DPY30: variants seen among roughly 807,000 people sequenced by gnomAD.
DPY30 encodes the protein protein dpy-30 homolog.
Under a neutral mutation model 16.2 loss-of-function variants are expected in DPY30, and 6 were observed. The observed-to-expected ratio is 0.37, with a 90% CI of 0.20 to 0.73. The LOEUF (loss-of-function observed/expected upper bound fraction) is 0.73. Among genes scored for constraint, DPY30 ranks in the 30% least tolerant of loss-of-function variants. The pLI, the probability that DPY30 is intolerant of heterozygous loss-of-function variation, is 0.51. For missense variants in DPY30, 73 were observed against 113.1 expected, an observed-to-expected ratio of 0.65 and a Z score of 1.61; for synonymous variants, 39 against 38.8, an observed-to-expected ratio of 1.00 and a Z score of -0.02.
chr2:32,026,626 A>C (rs930685218), intron 4 of DPY30, among the ~76,000 whole-genome samples: 59 of 152,038 alleles, frequency 3.9e-4, no homozygotes, highest in African/African-American at 1.3e-3. Flanking sequence ...CCACATCTCT[A>C]CTAAAAATAC....
chr2:32,016,653 A>AG (rs1201111222), intron 5 of DPY30, among the ~76,000 whole-genome samples: 1 of 151,864 alleles, frequency 6.6e-6, no homozygotes. Context: ...TTTCAATTCA[A>AG]GGTTTCTATT....
At chr2:32,032,786 A>G (rs1179544338) in intron 3 of DPY30, among the ~76,000 whole-genome samples, 1 of 152,130 alleles carries the variant, frequency 6.6e-6, no homozygotes, top group African/African-American at 2.4e-5. Context: ...CCACGAGTTC[A>G]GGAGTTCGAG....
At chr2:32,023,696 A>C, downstream of DPY30, 1 of 1,297,582 alleles carries the variant, frequency 7.7e-7, no homozygotes. Context: ...TTGTTAAGCC[A>C]TTGAAGATGC....
chr2:32,012,393 A>G (rs1215496024), intron 5 of DPY30, among the ~76,000 whole-genome samples: 2 of 143,626 alleles, frequency 1.4e-5, no homozygotes, highest in Non-Finnish European at 3.0e-5. Context: ...TGGACATACC[A>G]TGTATCCAAA....
At position 32,036,672 on chromosome 2, in the gene DPY30, A is replaced by C. The variant is rs867449755; in HGVS notation, c.84+2607T>G. On this transcript the variant is annotated intron_variant, in intron 3 of 4. Coordinates refer to ENST00000342166, the MANE Select transcript of DPY30 (RefSeq NM_001321209.2). ...GGCGACAGAGCAAGACTCTGTCTCA[A>C]AAAAAAAAAAAAAAGAAACCCAGTG... 2.5e-4 allele frequency among the ~76,000 whole-genome samples: 36 copies of C among 145,876 alleles called. No individual in the cohort carries two copies. The South Asian group carries it at 2.8e-3, about 11-fold the overall frequency.
At chr2:32,012,431 T>TC (rs1558579437) in intron 5 of DPY30, among the ~76,000 whole-genome samples, 8 of 127,624 alleles carry the variant, frequency 6.3e-5, no homozygotes, top group African/African-American at 2.4e-4. Flanking sequence ...TTTTTTTTTT[T>TC]TTTTTTTTTT....
chr2:32,028,266 C>T (rs1305440321), intron 4 of DPY30, among the ~76,000 whole-genome samples: 3 of 151,824 alleles, frequency 2.0e-5, no homozygotes, highest in African/African-American at 7.3e-5. Flanking sequence ...AAGGCATACC[C>T]CACCACACCT....
downstream of DPY30, among the ~76,000 whole-genome samples, chr2:32,011,732 A>G (rs1040607402): frequency 6.6e-6 from 1 of 152,212 alleles, no homozygotes; most frequent in Admixed American, 6.5e-5. Flanking sequence ...CATACATCCA[A>G]TGAAAGTTTT....
At position 32,024,084 on chromosome 2, in the gene DPY30, T is replaced by C; in HGVS notation, c.*100A>G. 6.5e-7 allele frequency: 1 copy of C among 1,531,618 alleles called. No homozygotes were observed. The highest frequency in any genetic ancestry group is 8.7e-7 in the Non-Finnish European group (1 of 1,143,634). The allele number at this position is 1,531,618 out of a possible 1,614,324, so 94.9% of individuals were successfully genotyped here. A position where few individuals can be genotyped will look rare whatever the true frequency, so the allele number is the denominator to read the frequency against. On this transcript the variant is annotated 3_prime_UTR_variant, in exon 5 of 5. Coordinates refer to ENST00000342166, the MANE Select transcript of DPY30 (RefSeq NM_001321209.2). ...ATAGGTTCTGTTGTCCGGAAGGTTC[T>C]TATACATCCAAAAAGAGGGAATGAT...
chr2:32,024,230 G>A lies in DPY30; in HGVS notation c.254C>T (p.Ala85Val). The A allele has an allele frequency of 6.2e-7, 1 of 1,612,590 alleles. No individual in the cohort carries two copies. Among genetic ancestry groups the A allele is most frequent in the Non-Finnish European group, 8.5e-7 (1 of 1,179,270 alleles). ...ERPPNPIEFL[A>V]SYLLKNKAQF... Reference sequence around the variant, plus strand: ...TGCCTTGTTTTTTAAAAGATAAGATGCTAGAAATTCAATGGGATTTGGTGG... The same window carrying A: ...TGCCTTGTTTTTTAAAAGATAAGATACTAGAAATTCAATGGGATTTGGTGG... The change falls in exon 5 of 5, where the codon GCA becomes GTA. Residue 85 changes from alanine (A) to valine (V), a missense_variant. By Grantham distance (64) the Ala-to-Val change is moderately conservative. Coordinates refer to ENST00000342166, the MANE Select transcript of DPY30 (RefSeq NM_001321209.2).
intron 1 of DPY30, 78 bp downstream of exon 1, chr2:32,039,655 T>C (rs2148675154): frequency 1.6e-6 from 1 of 633,618 alleles, no homozygotes; most frequent in Admixed American, 2.8e-5. Context: ...ACTGGGCGCC[T>C]ACATGGGGTC....
At chr2:32,021,100 C>G (rs1675169785), downstream of DPY30, 1 of 152,160 alleles carries the variant, frequency 6.6e-6, no homozygotes, top group Non-Finnish European at 1.5e-5. Flanking sequence ...GAAACCCCGT[C>G]TGTAAGAAAA....
chr2:32,013,927 G>C (rs1675015320), intron 5 of DPY30, among the ~76,000 whole-genome samples: 1 of 152,132 alleles, frequency 6.6e-6, no homozygotes, highest in Non-Finnish European at 1.5e-5. Flanking sequence ...AGAATCGCTT[G>C]AACCTGGGAG....
chr2:32,032,425 A>C (rs1165855834), intron 3 of DPY30, among the ~76,000 whole-genome samples: 1 of 152,186 alleles, frequency 6.6e-6, no homozygotes, highest in Non-Finnish European at 1.5e-5. Context: ...TCTTGAATGA[A>C]TTTTCATCCC....
At position 32,027,850 on chromosome 2, in the gene DPY30, G is replaced by A. The variant is rs564262642; in HGVS notation, c.227+1744C>T. On this transcript the variant is annotated intron_variant, in intron 4 of 4. Coordinates refer to ENST00000342166, the MANE Select transcript of DPY30 (RefSeq NM_001321209.2). Reference sequence around the variant, plus strand: ...TCACTGCATTAGCCAGGATGGTCTCGAACTCCTGACCTCATGATCTGCCCG... The same window carrying A: ...TCACTGCATTAGCCAGGATGGTCTCAAACTCCTGACCTCATGATCTGCCCG... 2.7e-3 allele frequency among the ~76,000 whole-genome samples: 407 copies of A among 151,822 alleles called. 2 individuals carry two copies. The highest frequency in any genetic ancestry group is 8.9e-3 in the African/African-American group (368 of 41,446).
At chr2:32,026,923 C>CTT (rs534056939) in intron 4 of DPY30, among the ~76,000 whole-genome samples, 1 of 140,458 alleles carries the variant, frequency 7.1e-6, no homozygotes, top group Non-Finnish European at 1.6e-5. Flanking sequence ...CCTTTTTTCC[C>CTT]TTTTTTTTTT....
chr2:32,013,429 CT>C (rs1194375505), intron 5 of DPY30: 1 of 152,192 alleles, frequency 6.6e-6, no homozygotes, highest in Non-Finnish European at 1.5e-5. Context: ...ATTATTCCCC[CT>C]GTCCACCTTA....
chr2:32,030,177 G>C (rs1382140880), intron 3 of DPY30, among the ~76,000 whole-genome samples: 1 of 151,810 alleles, frequency 6.6e-6, no homozygotes, highest in Non-Finnish European at 1.5e-5. Flanking sequence ...ATACACTCAA[G>C]AGAATACAGC....
At position 32,027,653 on chromosome 2, in the gene DPY30, C is replaced by T. The variant is rs7566215; in HGVS notation, c.227+1941G>A. Among the ~76,000 whole-genome samples the T allele has an allele frequency of 6.9e-3, 766 of 111,530 alleles. 12 individuals are homozygous for T. The highest frequency in any genetic ancestry group is 0.026 in the African/African-American group (718 of 28,002). 73.2% of individuals were successfully genotyped at this position (111,530 alleles called of 152,430 possible). A position where few individuals can be genotyped will look rare whatever the true frequency, so the allele number is the denominator to read the frequency against. On this transcript the variant is annotated intron_variant, in intron 4 of 4. Transcript: ENST00000342166. ...TTTTTTTTTTTTTTTTTTTTTGAGA[C>T]GGAGTCGCTCTGTTGCCCAGGCTGG...
Sources: gnomAD v4.1 joint callset for allele counts (sites outside exome capture counted in the v4.1 genomes callset) on GRCh38, gnomAD v4.1.1 for gene constraint, MANE v1.5 for transcripts, NCBI Gene and HGNC (gene_info 2026-07-23, HGNC 2026-07-21) for gene names.